FARP2: variants seen among roughly 807,000 people sequenced by gnomAD.
The protein encoded by FARP2 is FERM, ARHGEF and pleckstrin domain-containing protein 2.
In FARP2, 111 loss-of-function variants were observed where a neutral mutation model predicts 130.5. The observed-to-expected ratio is 0.85, with a 90% CI of 0.73 to 1.00. FARP2 has a LOEUF of 1.00. FARP2 is among the 50% of genes least tolerant of loss of function. The probability of loss-of-function intolerance (pLI) is 0.00; values close to 1 mark genes in which losing one functional copy is unlikely to be tolerated. For synonymous variants in FARP2, 504 were observed against 516.9 expected (o/e 0.98, Z 0.34); for missense variants, 1,385 against 1,346.3 (o/e 1.03, Z -0.45).
In FARP2 at chr2:241,494,166, G is replaced by C; in HGVS notation, c.*41G>C. 7.8e-7 allele frequency: 1 copy of C among 1,284,724 alleles called. No individual in the cohort carries two copies. The highest frequency in any genetic ancestry group is 1.1e-6 in the Non-Finnish European group (1 of 948,792). The allele number at this position is 1,284,724 out of a possible 1,614,324, so 79.6% of individuals were successfully genotyped here. ...GGTTTGGACACAACTACAAAGAACA[G>C]CAGGACACAGAGGTGACCTCTGTCC... On this transcript the variant is annotated 3_prime_UTR_variant, in exon 27 of 27. Transcript: ENST00000264042. The surrounding 1 kb of genome is among the most constrained non-coding windows in gnomAD (Gnocchi z 4.9).
chr2:241,438,568 C>G (rs1255448395), intron 12 of FARP2, among the ~76,000 whole-genome samples: 1 of 151,266 alleles, frequency 6.6e-6, no homozygotes, highest in African/African-American at 2.4e-5. Context: ...AAGTAAAGCT[C>G]ATGGTATCCC....
intron 1 of FARP2, among the ~76,000 whole-genome samples, chr2:241,360,104 A>G (rs750378588): frequency 6.6e-6 from 1 of 151,720 alleles, no homozygotes; most frequent in East Asian, 1.9e-4. Flanking sequence ...TATATTAGGT[A>G]CTCTCTTCTT....
At chr2:241,491,725 G>GCTGT in intron 24 of FARP2, 46 bp downstream of exon 24, 1 of 1,539,140 alleles carries the variant, frequency 6.5e-7, no homozygotes, top group Non-Finnish European at 8.8e-7. Flanking sequence ...AATGTTCCCA[G>GCTGT]CTGTCTCTGC....
intron 2 of FARP2, among the ~76,000 whole-genome samples, chr2:241,394,973 C>T (rs2061994510): frequency 6.6e-6 from 1 of 152,176 alleles, no homozygotes; most frequent in African/African-American, 2.4e-5. Context: ...GGGCAGACAG[C>T]GAGCAGCAGT....
At position 241,463,919 on chromosome 2, in the gene FARP2, A is replaced by G; in HGVS notation, c.1832A>G (p.His611Arg). 1.2e-6 allele frequency: 2 copies of G among 1,614,092 alleles called. No homozygotes were observed. The highest frequency in any genetic ancestry group is 1.7e-6 in the Non-Finnish European group (2 of 1,179,946). Residue 611 changes from histidine to arginine, a missense_variant, in exon 17 of 27, where the codon CAC (histidine) becomes CGC (arginine). Coordinates refer to ENST00000264042, the MANE Select transcript of FARP2 (RefSeq NM_014808.4). ...LALWEGPSKA[H>R]TKGSHQRIGD... ...CTCAGGGAAGGGCCCTCCAAAGCCC[A>G]CACAAAAGGCAGTCATCAACGAATC...
intron 8 of FARP2, among the ~76,000 whole-genome samples, chr2:241,423,082 G>A (rs1368602186): frequency 1.3e-5 from 2 of 152,150 alleles, no homozygotes; most frequent in East Asian, 1.9e-4. Flanking sequence ...AACGAGACAG[G>A]CTAATATTCA....
intron 8 of FARP2, among the ~76,000 whole-genome samples, chr2:241,427,990 TCTC>T (rs1268987185): frequency 2.0e-5 from 3 of 151,836 alleles, no homozygotes; most frequent in Admixed American, 2.0e-4. Context: ...ATGGTCTCGA[TCTC>T]CTGACCTCGT....
In FARP2 at chr2:241,494,481, G is replaced by C. The variant is rs751695103; in HGVS notation, c.*356G>C. The C allele has an allele frequency of 2.3e-5, 4 of 171,782 alleles. No individual in the cohort carries two copies. Among genetic ancestry groups the C allele is most frequent in the Non-Finnish European group, 3.7e-5 (3 of 81,300 alleles). 10.6% of individuals were successfully genotyped at this position (171,782 alleles called of 1,614,324 possible). A position where few individuals can be genotyped will look rare whatever the true frequency, so the allele number is the denominator to read the frequency against. ...ACACCCTGCCTCTCTCCCCAGAGCA[G>C]GGTCCCTGCCGAGGACTGGCCTAGA... is the stretch of plus-strand genomic sequence containing the variant. On this transcript the variant is annotated 3_prime_UTR_variant, in exon 27 of 27. Coordinates refer to ENST00000264042, the MANE Select transcript of FARP2 (RefSeq NM_014808.4). This position sits in a 1 kb window ranked among gnomAD's most constrained non-coding sequence, Gnocchi z 4.9.
At chr2:241,439,781 G>A (rs2150412690) in intron 12 of FARP2, among the ~76,000 whole-genome samples, 1 of 152,238 alleles carries the variant, frequency 6.6e-6, no homozygotes, top group South Asian at 2.1e-4. Context: ...GGCCAACATG[G>A]TGAAACCCCA....
chr2:241,447,902 C>A (rs752975863), intron 13 of FARP2, among the ~76,000 whole-genome samples: 19 of 152,158 alleles, frequency 1.2e-4, no homozygotes, highest in Non-Finnish European at 2.6e-4. Flanking sequence ...TGATGTCAGG[C>A]GCCTCTGGGA....
intron 2 of FARP2, among the ~76,000 whole-genome samples, chr2:241,376,158 C>A (rs2061531496): frequency 6.6e-6 from 1 of 152,150 alleles, no homozygotes; most frequent in Admixed American, 6.5e-5. Context: ...TGGTTGGAAC[C>A]TCATGTGCAG....
intron 7 of FARP2, among the ~76,000 whole-genome samples, chr2:241,415,422 C>T (rs767470293): frequency 2.0e-5 from 3 of 152,168 alleles, no homozygotes; most frequent in Non-Finnish European, 4.4e-5. Context: ...TAGTCTCTCC[C>T]TGCTGAGACA....
intron 2 of FARP2, among the ~76,000 whole-genome samples, chr2:241,384,967 T>C (rs975273809): frequency 1.3e-5 from 2 of 152,204 alleles, no homozygotes; most frequent in Admixed American, 6.5e-5. Context: ...TAGAAACATG[T>C]CCTAAATTTA....
At chr2:241,474,348 A>G (rs1396407187) in intron 18 of FARP2, among the ~76,000 whole-genome samples, 1 of 136,376 alleles carries the variant, frequency 7.3e-6, no homozygotes, top group African/African-American at 2.7e-5. Flanking sequence ...AAAAAAAAAA[A>G]AAGATAGAGC....
At chr2:241,466,119 CTGT>C in intron 17 of FARP2, 2 of 1,077,158 alleles carry the variant, frequency 1.9e-6, no homozygotes, top group Non-Finnish European at 2.3e-6. Context: ...GCCAAGAGCT[CTGT>C]CCACAAAACC....
intron 2 of FARP2, among the ~76,000 whole-genome samples, chr2:241,396,486 A>C (rs2062031735): frequency 6.6e-6 from 1 of 152,222 alleles, no homozygotes; most frequent in Admixed American, 6.5e-5. Context: ...ACAAATTTAC[A>C]AGAAAAATCA....
chr2:241,370,624 G>A (rs1472642857), intron 1 of FARP2, among the ~76,000 whole-genome samples: 4 of 152,120 alleles, frequency 2.6e-5, no homozygotes. Flanking sequence ...AAAGTTTGTG[G>A]AACTGAAATG....
chr2:241,487,486 G>C (rs2064779047), intron 21 of FARP2, among the ~76,000 whole-genome samples: 1 of 151,230 alleles, frequency 6.6e-6, no homozygotes, highest in Admixed American at 6.6e-5. Flanking sequence ...TGGCCAACAG[G>C]GCGAAACCCT....
intron 1 of FARP2, among the ~76,000 whole-genome samples, chr2:241,370,644 G>A (rs370406217): frequency 1.3e-5 from 2 of 152,268 alleles, no homozygotes; most frequent in South Asian, 2.1e-4. Flanking sequence ...GAAAAGGCTC[G>A]TTTATGATTC....
Sources: allele counts gnomAD v4.1 joint callset (sites outside exome capture counted in the v4.1 genomes callset), GRCh38; gene constraint gnomAD v4.1.1; non-coding constraint Gnocchi (gnomAD v3.1); transcripts MANE v1.5; gene names NCBI Gene and HGNC (gene_info 2026-07-23, HGNC 2026-07-21).